Variants in SGCZ observed in about 807,000 individuals in gnomAD.
The protein encoded by SGCZ is zeta-sarcoglycan.
A neutral mutation model predicts 41.3 loss-of-function variants in SGCZ; 40 were observed. That is an observed-to-expected ratio of 0.97 (90% CI 0.75 to 1.26). SGCZ has a LOEUF of 1.26. Ranked by LOEUF, SGCZ falls within the 50% of genes most tolerant of loss-of-function variation. SGCZ has a pLI of 0.00. For missense variants in SGCZ, 552 were observed against 369.8 expected, an observed-to-expected ratio of 1.49 and a Z score of -4.04; for synonymous variants, 206 against 137.5, an observed-to-expected ratio of 1.50 and a Z score of -3.49.
In SGCZ at chr8:14,807,032, C is replaced by T. The variant is rs191976451; in HGVS notation, c.40-252106G>A. Among the ~76,000 whole-genome samples the T allele has an allele frequency of 2.7e-3, 408 of 152,252 alleles. 1 individual carries two copies. Among genetic ancestry groups the T allele is most frequent in the African/African-American group, 8.1e-3 (336 of 41,540 alleles). On this transcript the variant is annotated intron_variant, in intron 1 of 7. Coordinates refer to ENST00000382080, the MANE Select transcript of SGCZ (RefSeq NM_139167.4). ...AAAGGCCTTTGACAAAATTCAACAACGCTTCAGGCTAAAAACTCAATAAAT... is the reference window on the plus strand; with the variant it reads ...AAAGGCCTTTGACAAAATTCAACAATGCTTCAGGCTAAAAACTCAATAAAT...
intron 2 of SGCZ, among the ~76,000 whole-genome samples, chr8:14,428,807 A>T (rs1053820691): frequency 1.3e-5 from 2 of 152,204 alleles, no homozygotes. Flanking sequence ...TTTCCTGCAC[A>T]TGGATATAAG....
Position 14,786,114 on chromosome 8 carries a change from T to G in SGCZ, c.40-231188A>C, listed in dbSNP as rs555075720. ...AAAAAAATGAGATTATTATTTTAACTTCTCAAATTTTTCTTATTCCATAGT... is the reference window on the plus strand; with the variant it reads ...AAAAAAATGAGATTATTATTTTAACGTCTCAAATTTTTCTTATTCCATAGT... On this transcript the variant is annotated intron_variant, in intron 1 of 7. Coordinates refer to ENST00000382080, the MANE Select transcript of SGCZ (RefSeq NM_139167.4). 4.2e-3 allele frequency among the ~76,000 whole-genome samples: 616 copies of G among 147,486 alleles called. 1 individual carries two copies. Among genetic ancestry groups the G allele is most frequent in the South Asian group, 7.5e-3 (36 of 4,772 alleles).
chr8:15,041,039 TAA>T (rs954635773), intron 1 of SGCZ, among the ~76,000 whole-genome samples: 11 of 151,958 alleles, frequency 7.2e-5, no homozygotes, highest in Admixed American at 2.0e-4. Context: ...GAGTAAAATA[TAA>T]GTTATTGTTT....
At chr8:14,788,222 G>C (rs984982354) in intron 1 of SGCZ, among the ~76,000 whole-genome samples, 1 of 152,092 alleles carries the variant, frequency 6.6e-6, no homozygotes, top group Non-Finnish European at 1.5e-5. Context: ...CTAGAATAAA[G>C]CACATAATGC....
chr8:14,773,052 A>G (rs866284330), intron 1 of SGCZ, among the ~76,000 whole-genome samples: 2 of 152,136 alleles, frequency 1.3e-5, no homozygotes, highest in Non-Finnish European at 2.9e-5. Flanking sequence ...CAACAGTGTA[A>G]AAGTGTTCCT....
chr8:14,874,171 AG>A (rs1804264430), intron 1 of SGCZ, among the ~76,000 whole-genome samples: 1 of 152,168 alleles, frequency 6.6e-6, no homozygotes. Context: ...TATAAAGAAA[AG>A]TATGCTCTGT....
At chr8:14,866,076 C>T (rs146299026) in intron 1 of SGCZ, among the ~76,000 whole-genome samples, 117 of 151,948 alleles carry the variant, frequency 7.7e-4, no homozygotes, top group African/African-American at 2.8e-3. Context: ...CTATTTAGGC[C>T]TTACAATGTA....
At chr8:14,643,771 C>T (rs1807110915) in intron 1 of SGCZ, among the ~76,000 whole-genome samples, 1 of 151,676 alleles carries the variant, frequency 6.6e-6, no homozygotes, top group Non-Finnish European at 1.5e-5. Flanking sequence ...CTTTCATTTG[C>T]TTCTCCTTCA....
intron 1 of SGCZ, among the ~76,000 whole-genome samples, chr8:15,151,478 T>G (rs1166549527): frequency 6.6e-6 from 1 of 152,188 alleles, no homozygotes; most frequent in Non-Finnish European, 1.5e-5. Context: ...AGTTGGAAAA[T>G]ATAACATTGA....
intron 1 of SGCZ, among the ~76,000 whole-genome samples, chr8:15,070,174 A>G (rs944744658): frequency 3.9e-5 from 6 of 152,144 alleles, no homozygotes; most frequent in Non-Finnish European, 7.4e-5. Context: ...ATTCTCAGCA[A>G]GCTTCAAAGT....
chr8:14,698,478 T>C (rs1299958041), intron 1 of SGCZ, among the ~76,000 whole-genome samples: 2 of 151,948 alleles, frequency 1.3e-5, no homozygotes, highest in Non-Finnish European at 2.9e-5. Context: ...GATCACATTA[T>C]AAAAGCTATA....
chr8:15,034,051 T>C (rs1215854559), intron 1 of SGCZ, among the ~76,000 whole-genome samples: 2 of 151,440 alleles, frequency 1.3e-5, no homozygotes, highest in African/African-American at 4.9e-5. Flanking sequence ...AGAAGAAATA[T>C]TAAAAAACAA....
intron 1 of SGCZ, among the ~76,000 whole-genome samples, chr8:14,710,038 G>C (rs1809463355): frequency 6.6e-6 from 1 of 152,148 alleles, no homozygotes; most frequent in African/African-American, 2.4e-5. Flanking sequence ...TCACAAGTCA[G>C]AGAGCAATTC....
chr8:14,701,906 T>C (rs1326198513), intron 1 of SGCZ, among the ~76,000 whole-genome samples: 1 of 151,978 alleles, frequency 6.6e-6, no homozygotes, highest in Non-Finnish European at 1.5e-5. Context: ...TAGTATCCCA[T>C]GTTTAAAACG....
intron 1 of SGCZ, among the ~76,000 whole-genome samples, chr8:14,606,792 T>C (rs1252655430): frequency 6.6e-6 from 1 of 152,318 alleles, no homozygotes; most frequent in East Asian, 1.9e-4. Flanking sequence ...AATGCTATGA[T>C]GTGGTTTATT....
intron 1 of SGCZ, among the ~76,000 whole-genome samples, chr8:14,755,520 T>C (rs1351261766): frequency 1.3e-5 from 2 of 152,210 alleles, no homozygotes; most frequent in African/African-American, 4.8e-5. Flanking sequence ...ATGATAGTCT[T>C]CTTTTAATAA....
At chr8:14,828,272 C>A (rs1563298208) in intron 1 of SGCZ, among the ~76,000 whole-genome samples, 1 of 152,100 alleles carries the variant, frequency 6.6e-6, no homozygotes, top group Admixed American at 6.6e-5. Context: ...ATGAAGCCTG[C>A]AGGAACAAAT....
chr8:14,426,433 T>G (rs977065703), intron 2 of SGCZ, among the ~76,000 whole-genome samples: 7 of 145,672 alleles, frequency 4.8e-5, no homozygotes, highest in African/African-American at 1.7e-4. Flanking sequence ...ATGTTGGTGG[T>G]GCAAGTCAAT....
chr8:15,236,313 A>G lies in SGCZ; in HGVS notation c.39+1272T>C, dbSNP rs570325779. Among the ~76,000 whole-genome samples, 20 of 152,276 alleles carry G rather than the reference A, an allele frequency of 1.3e-4. No individual in the cohort carries two copies. The South Asian group carries it at 3.3e-3, about 25-fold the overall frequency. On this transcript the variant is annotated intron_variant, in intron 1 of 7. Transcript: ENST00000382080. Reference sequence around the variant, plus strand: ...CTCCTGCGTGCCCCCTGGCCAGGGCACAGGACAGGCTGCAGACAGAGGCTT... The same window carrying G: ...CTCCTGCGTGCCCCCTGGCCAGGGCGCAGGACAGGCTGCAGACAGAGGCTT...
Sources: gnomAD v4.1 joint callset for allele counts (sites outside exome capture counted in the v4.1 genomes callset) on GRCh38, gnomAD v4.1.1 for gene constraint, MANE v1.5 for transcripts, NCBI Gene and HGNC (gene_info 2026-07-23, HGNC 2026-07-21) for gene names.